The following SLC2A2 variants were observed in gnomAD, a reference collection of about 807,000 sequenced individuals.
SLC2A2 encodes solute carrier family 2, facilitated glucose transporter member 2.
Under a neutral mutation model 54.5 loss-of-function variants are expected in SLC2A2, and 36 were observed. The observed-to-expected ratio is 0.66, with a 90% CI of 0.51 to 0.87. The LOEUF (loss-of-function observed/expected upper bound fraction) is 0.87. SLC2A2 is among the 40% of genes least tolerant of loss of function. The pLI is 0.00. For synonymous variants in SLC2A2, 223 were observed against 219.1 expected, an observed-to-expected ratio of 1.02 and a Z score of -0.16; for missense variants, 543 against 624.3, an observed-to-expected ratio of 0.87 and a Z score of 1.39.
intron 3 of SLC2A2, 131 bp downstream of exon 3, chr3:171,014,338 A>T: frequency 2.1e-6 from 2 of 933,936 alleles, no homozygotes; most frequent in Non-Finnish European, 3.3e-6. Flanking sequence ...GATATGCCTC[A>T]TAGGGTCATG....
At chr3:171,014,998 A>T (rs916921710) in intron 2 of SLC2A2, among the ~76,000 whole-genome samples, 1 of 152,178 alleles carries the variant, frequency 6.6e-6, no homozygotes, top group Non-Finnish European at 1.5e-5. Flanking sequence ...TACATTTTCT[A>T]CTATTTGGGA....
intron 1 of SLC2A2, among the ~76,000 whole-genome samples, chr3:171,025,858 T>A (rs535168834): frequency 5.7e-4 from 87 of 152,290 alleles, no homozygotes; most frequent in African/African-American, 1.8e-3. Flanking sequence ...AGTTTTTTTT[T>A]AAAGTATCAT....
rs1715169098 is a variant in SLC2A2, at chr3:170,998,067, C to T, written c.1411G>A (p.Gly471Arg). ...AACAGGGTAAAGGCCAGGAGCACTC[C>T]AGCAAAGAGGAAAAACACATAAGGT... ...CGPYVFFLFA[G>R]VLLAFTLFTF... is the part of the protein sequence containing the mutation. The change falls in exon 11 of 11, where the codon GGA (glycine) becomes AGA (arginine). Residue 471 changes from glycine (G) to arginine (R), a missense_variant. This residue lies in a region of SLC2A2 where 108 missense variants were observed against 101.3 expected (regional missense o/e 1.07). Coordinates refer to ENST00000314251, the MANE Select transcript of SLC2A2 (RefSeq NM_000340.2). 2 of 1,613,492 alleles carry T rather than the reference C, an allele frequency of 1.2e-6. No individual in the cohort carries two copies. Among genetic ancestry groups the T allele is most frequent in the Admixed American group, 3.3e-5 (2 of 59,848 alleles).
Position 171,007,151 on chromosome 3 carries a change from A to G in SLC2A2, c.609T>C (p.Ser203=), listed in dbSNP as rs766011603. 2.9e-5 allele frequency: 47 copies of G among 1,600,118 alleles called. No homozygotes were observed. The African/African-American group carries it at 5.8e-4, about 20-fold the overall frequency. Residue 203 remains serine, a synonymous_variant, in exon 5 of 11, where the codon AGT becomes AGC. Coordinates refer to ENST00000314251, the MANE Select transcript of SLC2A2 (RefSeq NM_000340.2). ...GATAAGGATGGGGAGTTTTTACCTG[A>G]CTAATAAGAATGCCCGTGACGATGG... The part of the protein sequence containing the change: ...QLAIVTGILI[S]QIIGLEFILG...
intron 8 of SLC2A2, among the ~76,000 whole-genome samples, chr3:170,999,459 A>T (rs975163168): frequency 6.6e-6 from 1 of 152,080 alleles, no homozygotes; most frequent in Non-Finnish European, 1.5e-5. Context: ...CTACTCCAGG[A>T]TTATCACTTT....
intron 2 of SLC2A2, among the ~76,000 whole-genome samples, chr3:171,016,573 A>G (rs1302723623): frequency 3.9e-5 from 6 of 152,198 alleles, no homozygotes; most frequent in African/African-American, 1.4e-4. Context: ...GGCATGTGTA[A>G]TTTTCATAAC....
At chr3:171,012,777 T>C (rs902535531) in intron 3 of SLC2A2, among the ~76,000 whole-genome samples, 2 of 152,180 alleles carry the variant, frequency 1.3e-5, no homozygotes, top group African/African-American at 2.4e-5. Flanking sequence ...GTTGAAGTTA[T>C]GGACTTTTGG....
At position 170,998,407 on chromosome 3, in the gene SLC2A2, A is replaced by C; in HGVS notation, c.1171-11T>G. ...CCAAGAGAACTTATTCTGAGGAAAA[A>C]AACAAAAACAATAGTGGGACTGAGA... On this transcript the variant is annotated splice_polypyrimidine_tract_variant and intron_variant, in intron 9 of 10. Transcript: ENST00000314251. 4 of 1,610,776 alleles carry C rather than the reference A, an allele frequency of 2.5e-6. No homozygotes were observed. Among genetic ancestry groups the C allele is most frequent in the Non-Finnish European group, 2.5e-6 (3 of 1,177,406 alleles).
chr3:170,999,137 A>G lies in SLC2A2; in HGVS notation c.1098T>C (p.Arg366=). The change falls in exon 9 of 11, where the codon CGT becomes CGC. Residue 366 remains arginine, a synonymous_variant. Transcript: ENST00000314251. ...CACTCATTCCAATTAGAAAGAGAGA[A>G]CGTCGCCCTGCCTTCTCCACAAGGA... ...SVFLVEKAGR[R]SLFLIGMSGM... is the part of the protein sequence containing the mutation. 1 of 1,612,528 alleles carries G rather than the reference A, an allele frequency of 6.2e-7. No homozygotes were observed. Among genetic ancestry groups the G allele is most frequent in the Admixed American group, 1.7e-5 (1 of 59,906 alleles).
chr3:171,009,275 TAA>T (rs923170336), intron 4 of SLC2A2, among the ~76,000 whole-genome samples: 15 of 152,254 alleles, frequency 9.9e-5, no homozygotes, highest in Middle Eastern at 3.4e-3. Context: ...CTATTCAGAA[TAA>T]AGTTTGTGGG....
intron 4 of SLC2A2, among the ~76,000 whole-genome samples, chr3:171,009,511 C>T (rs889982894): frequency 4.6e-5 from 7 of 151,898 alleles, no homozygotes; most frequent in East Asian, 1.9e-4. Context: ...AATTAAGGGT[C>T]GTGGTATAGC....
intron 2 of SLC2A2, among the ~76,000 whole-genome samples, chr3:171,018,093 T>C (rs1420988458): frequency 6.6e-6 from 1 of 152,182 alleles, no homozygotes; most frequent in Non-Finnish European, 1.5e-5. Flanking sequence ...GGGGAGATCA[T>C]ATGTTAAAGT....
At chr3:171,020,900 TTTTATATA>T (rs1230261316) in intron 1 of SLC2A2, among the ~76,000 whole-genome samples, 2 of 150,668 alleles carry the variant, frequency 1.3e-5, no homozygotes, top group Non-Finnish European at 3.0e-5. Context: ...TATATATTTA[TTTTATATA>T]TTTATATATC....
intron 1 of SLC2A2, among the ~76,000 whole-genome samples, chr3:171,025,126 A>G (rs1384324593): frequency 2.0e-5 from 3 of 152,046 alleles, no homozygotes; most frequent in African/African-American, 7.2e-5. Context: ...TTGTCTTTAT[A>G]TTGACCTTAA....
rs542789356 is a variant in SLC2A2 at position 170,999,189 on chromosome 3, A to G, written c.1069-23T>C. ...TACCTAGGACAATTTTAAAGAAATTATCTCAGTTTTGTGAGTCACAAAATA... is the reference window on the plus strand; with the variant it reads ...TACCTAGGACAATTTTAAAGAAATTGTCTCAGTTTTGTGAGTCACAAAATA... On this transcript the variant is annotated intron_variant, in intron 8 of 10. Coordinates refer to ENST00000314251, the MANE Select transcript of SLC2A2 (RefSeq NM_000340.2). The G allele has an allele frequency of 4.0e-6, 6 of 1,493,486 alleles. No individual in the cohort carries two copies. The South Asian group carries it at 5.6e-5, about 14-fold the overall frequency. The allele number at this position is 1,493,486 out of a possible 1,614,324, so 92.5% of individuals were successfully genotyped here. A position where few individuals can be genotyped will look rare whatever the true frequency, so the allele number is the denominator to read the frequency against.
In SLC2A2 at chr3:170,997,895, T is replaced by C. The variant is rs1043837555; in HGVS notation, c.*8A>G. ...TTTCTGTTCATGTCAAAAAGCAGGG[T>C]TTTTTTTTTACACAGTCTCTGTAGC... On this transcript the variant is annotated 3_prime_UTR_variant, in exon 11 of 11. Transcript: ENST00000314251. 2 of 1,477,908 alleles carry C rather than the reference T, an allele frequency of 1.4e-6. No homozygotes were observed. Among genetic ancestry groups the C allele is most frequent in the Non-Finnish European group, 1.9e-6 (2 of 1,074,838 alleles). The allele number at this position is 1,477,908 out of a possible 1,614,324, so 91.5% of individuals were successfully genotyped here. A position where few individuals can be genotyped will look rare whatever the true frequency, so the allele number is the denominator to read the frequency against.
chr3:171,004,591 G>GT lies in SLC2A2; in HGVS notation c.963+693dup, dbSNP rs5854402. Reference sequence around the variant, plus strand: ...ACAGCAACAAAAGGGGAGAAGTGGTGTTTTTTTTTTTTTAATCTAGTTTCT... The same window carrying GT: ...ACAGCAACAAAAGGGGAGAAGTGGTGTTTTTTTTTTTTTTAATCTAGTTTCT... On this transcript the variant is annotated intron_variant, in intron 7 of 10. Transcript: ENST00000314251. 1.5e-3 allele frequency among the ~76,000 whole-genome samples: 219 copies of GT among 143,272 alleles called. 1 individual carries two copies. The highest frequency in any genetic ancestry group is 3.3e-3 in the East Asian group (16 of 4,810). 94.0% of individuals were successfully genotyped at this position (143,272 alleles called of 152,430 possible).
intron 2 of SLC2A2, 39 bp from the exon 3 acceptor site, chr3:171,014,770 T>G (rs1716060327): frequency 6.4e-7 from 1 of 1,559,904 alleles, no homozygotes; most frequent in Admixed American, 1.7e-5. Flanking sequence ...ATTTCAAACA[T>G]TCTATGTATT....
In SLC2A2 at chr3:171,005,210, T is replaced by C. The variant is rs890937559; in HGVS notation, c.963+75A>G. 5.6e-6 allele frequency: 7 copies of C among 1,246,074 alleles called. No homozygotes were observed. The African/African-American group carries it at 1.0e-4, about 18-fold the overall frequency. The allele number at this position is 1,246,074 out of a possible 1,614,324, so 77.2% of individuals were successfully genotyped here. ...ATACCTTAAAATATCTTTTAGCTATTTAAACTTGTACCCCTTGCCTTCCCT... is the reference window on the plus strand; with the variant it reads ...ATACCTTAAAATATCTTTTAGCTATCTAAACTTGTACCCCTTGCCTTCCCT... On this transcript the variant is annotated intron_variant, in intron 7 of 10. Transcript: ENST00000314251.
Sources: allele counts gnomAD v4.1 joint callset (sites outside exome capture counted in the v4.1 genomes callset), GRCh38; gene constraint gnomAD v4.1.1; regional missense constraint gnomAD v4.1.1; transcripts MANE v1.5; gene names NCBI Gene and HGNC (gene_info 2026-07-23, HGNC 2026-07-21).